Variants in LRRC4C observed in about 807,000 individuals in gnomAD.
LRRC4C encodes leucine rich repeat containing 4C.
In LRRC4C, 5 loss-of-function variants were observed where a neutral mutation model predicts 33.6. That is an observed-to-expected ratio of 0.15 (90% CI 0.08 to 0.31). The LOEUF (loss-of-function observed/expected upper bound fraction) is 0.31. LRRC4C is among the 10% of genes least tolerant of loss of function. The probability of loss-of-function intolerance (pLI) is 1.00; values close to 1 mark genes in which losing one functional copy is unlikely to be tolerated. For synonymous variants in LRRC4C, 329 were observed against 302.0 expected (o/e 1.09, Z -0.93); for missense variants, 560 against 796.7 (o/e 0.70, Z 3.58).
chr11:41,265,479 C>T (rs1949119759), intron 1 of LRRC4C, among the ~76,000 whole-genome samples: 1 of 152,036 alleles, frequency 6.6e-6, no homozygotes, highest in Non-Finnish European at 1.5e-5. Flanking sequence ...CAGGAGAAAA[C>T]AGTCCTTGTG....
At chr11:40,703,784 A>C (rs1325278611) in intron 2 of LRRC4C, among the ~76,000 whole-genome samples, 1 of 152,180 alleles carries the variant, frequency 6.6e-6, no homozygotes, top group Non-Finnish European at 1.5e-5. Context: ...GTAGTTGATA[A>C]CAGTTAATAA....
intron 1 of LRRC4C, among the ~76,000 whole-genome samples, chr11:41,216,876 C>G (rs1038575970): frequency 6.6e-6 from 1 of 151,684 alleles, no homozygotes; most frequent in Non-Finnish European, 1.5e-5. Context: ...ATTTAGATAC[C>G]TATCTATGTT....
rs376808271 is a variant in LRRC4C at position 40,331,224 on chromosome 11, T to C, written c.-269-11503A>G. On this transcript the variant is annotated intron_variant, in intron 3 of 6. Transcript: ENST00000528697. ...CCATTATGGAAAACAGTATGGAGGT[T>C]TCTCCAAAAGCTAAAAATAGAACTC... Among the ~76,000 whole-genome samples, 45 of 152,266 alleles carry C rather than the reference T, an allele frequency of 3.0e-4. No homozygotes were observed. The East Asian group carries it at 8.1e-3, about 27-fold the overall frequency.
chr11:41,435,990 G>A (rs1262442403), intron 1 of LRRC4C, among the ~76,000 whole-genome samples: 1 of 152,154 alleles, frequency 6.6e-6, no homozygotes, highest in Non-Finnish European at 1.5e-5. Context: ...CAGATCATGA[G>A]GTCAGGAGTT....
intron 2 of LRRC4C, among the ~76,000 whole-genome samples, chr11:40,712,427 A>G (rs1946512756): frequency 6.6e-6 from 1 of 152,178 alleles, no homozygotes; most frequent in Non-Finnish European, 1.5e-5. Flanking sequence ...ACATGCCACA[A>G]AATATTTTTG....
chr11:41,067,499 A>G (rs1001783537), intron 1 of LRRC4C, among the ~76,000 whole-genome samples: 1 of 152,164 alleles, frequency 6.6e-6, no homozygotes, highest in African/African-American at 2.4e-5. Context: ...TCAATATTAG[A>G]CAGCTTGAGA....
chr11:40,835,017 A>G (rs1393247777), intron 2 of LRRC4C, among the ~76,000 whole-genome samples: 1 of 151,712 alleles, frequency 6.6e-6, no homozygotes, highest in Non-Finnish European at 1.5e-5. Context: ...TCTATTCTCA[A>G]TACATTGATT....
chr11:41,042,971 C>A (rs1356865499), intron 1 of LRRC4C, among the ~76,000 whole-genome samples: 2 of 145,570 alleles, frequency 1.4e-5, no homozygotes, highest in Non-Finnish European at 3.0e-5. Flanking sequence ...AGCACCTTTG[C>A]ATTCCAATGA....
chr11:40,779,454 A>G (rs1256150337), intron 2 of LRRC4C, among the ~76,000 whole-genome samples: 5 of 152,194 alleles, frequency 3.3e-5, no homozygotes, highest in Non-Finnish European at 5.9e-5. Context: ...ATTGAAATAT[A>G]AATCAGAGAA....
At chr11:41,314,894 T>C (rs1950742859) in intron 1 of LRRC4C, among the ~76,000 whole-genome samples, 1 of 152,172 alleles carries the variant, frequency 6.6e-6, no homozygotes, top group Non-Finnish European at 1.5e-5. Flanking sequence ...AACTTCATTT[T>C]CAAAGGCATG....
At chr11:40,506,861 T>G (rs952588258) in intron 3 of LRRC4C, among the ~76,000 whole-genome samples, 13 of 152,104 alleles carry the variant, frequency 8.5e-5, no homozygotes, top group Non-Finnish European at 1.6e-4. Flanking sequence ...GGTGTCATTT[T>G]AAATGACTGA....
At chr11:41,026,543 A>G (rs1856374924) in intron 1 of LRRC4C, among the ~76,000 whole-genome samples, 1 of 151,678 alleles carries the variant, frequency 6.6e-6, no homozygotes, top group Non-Finnish European at 1.5e-5. Context: ...CCAAACTTGC[A>G]AGAAGTTTTA....
chr11:40,931,489 G>A (rs1957620805), intron 2 of LRRC4C, among the ~76,000 whole-genome samples: 1 of 152,052 alleles, frequency 6.6e-6, no homozygotes, highest in African/African-American at 2.4e-5. Context: ...CCTTTTGTGA[G>A]AATGTTAGCT....
chr11:40,500,058 A>G (rs1043402706), intron 3 of LRRC4C, among the ~76,000 whole-genome samples: 2 of 151,994 alleles, frequency 1.3e-5, no homozygotes, highest in Non-Finnish European at 2.9e-5. Flanking sequence ...TCTGCAATAA[A>G]ACCTGATTCA....
chr11:40,240,758 C>G (rs891611957), intron 5 of LRRC4C, among the ~76,000 whole-genome samples: 1 of 152,032 alleles, frequency 6.6e-6, no homozygotes, highest in African/African-American at 2.4e-5. Context: ...TTTATGTGAT[C>G]TGAACATTTT....
intron 3 of LRRC4C, among the ~76,000 whole-genome samples, chr11:40,592,414 A>T (rs1959100722): frequency 6.6e-6 from 1 of 152,146 alleles, no homozygotes; most frequent in African/African-American, 2.4e-5. Context: ...GGGCCTGAAA[A>T]TTCACGTCAA....
intron 1 of LRRC4C, among the ~76,000 whole-genome samples, chr11:41,123,237 T>A (rs1942536321): frequency 6.6e-6 from 1 of 151,160 alleles, no homozygotes. Flanking sequence ...TTATAAATGC[T>A]TTCTCTATCC....
intron 1 of LRRC4C, among the ~76,000 whole-genome samples, chr11:41,255,200 C>T (rs970077073): frequency 1.2e-4 from 19 of 152,028 alleles, no homozygotes; most frequent in African/African-American, 4.6e-4. Flanking sequence ...AAGCACAATA[C>T]AGATGGATCT....
chr11:40,119,993 T>C (rs964710477), intron 6 of LRRC4C, among the ~76,000 whole-genome samples: 1 of 152,170 alleles, frequency 6.6e-6, no homozygotes, highest in Non-Finnish European at 1.5e-5. Flanking sequence ...TAAGACCATT[T>C]ACCCTGCCTT....
Sources: allele counts gnomAD v4.1 joint callset (sites outside exome capture counted in the v4.1 genomes callset), GRCh38; gene constraint gnomAD v4.1.1; transcripts MANE v1.5; gene names NCBI Gene and HGNC (gene_info 2026-07-23, HGNC 2026-07-21).